The following BAZ1B variants were observed in gnomAD, a reference collection of about 807,000 sequenced individuals.
The protein encoded by BAZ1B is bromodomain adjacent to zinc finger domain 1B.
A neutral mutation model predicts 153.8 loss-of-function variants in BAZ1B; 22 were observed. The ratio of observed to expected loss-of-function variants is 0.14; its 90% confidence interval spans 0.10 to 0.20. The LOEUF (loss-of-function observed/expected upper bound fraction) is 0.20, where lower values mean the gene tolerates loss of function less well. Among genes scored for constraint, BAZ1B ranks in the 10% least tolerant of loss-of-function variants. BAZ1B has a pLI of 1.00. For synonymous variants in BAZ1B, 676 were observed against 633.4 expected (o/e 1.07, Z -1.01); for missense variants, 1,325 against 1,799.3 (o/e 0.74, Z 4.77).
intron 1 of BAZ1B, among the ~76,000 whole-genome samples, chr7:73,516,523 G>A (rs1316787761): frequency 1.3e-5 from 2 of 151,950 alleles, no homozygotes; most frequent in Non-Finnish European, 2.9e-5. Flanking sequence ...GGTGGCTCAC[G>A]TCTGTAATCC....
At chr7:73,503,423 TG>T (rs1428511481) in intron 3 of BAZ1B, among the ~76,000 whole-genome samples, 1 of 152,152 alleles carries the variant, frequency 6.6e-6, no homozygotes, top group African/African-American at 2.4e-5. Flanking sequence ...TTGCCCAGGC[TG>T]GAGTACAGTG....
chr7:73,456,667 C>CGTG (rs1287689912), intron 13 of BAZ1B, among the ~76,000 whole-genome samples: 2 of 151,960 alleles, frequency 1.3e-5, no homozygotes, highest in African/African-American at 2.4e-5. Flanking sequence ...AAAGGCTGGG[C>CGTG]GTGGTGGCTG....
At chr7:73,466,073 T>C (rs1327721651) in intron 10 of BAZ1B, among the ~76,000 whole-genome samples, 2 of 152,296 alleles carry the variant, frequency 1.3e-5, no homozygotes, top group East Asian at 3.9e-4. Context: ...AAAGTTATAT[T>C]ACAGGGGGGA....
chr7:73,521,975 C>T lies in BAZ1B; in HGVS notation c.-42G>A. On this transcript the variant is annotated 5_prime_UTR_variant, in exon 1 of 20. Transcript: ENST00000339594. ...GGGACTGGCGGCTGCTGGGGCCGGC[C>T]CCGCGGCGCAGCACTAGGCCCCGCG... 7.4e-7 allele frequency: 1 copy of T among 1,359,574 alleles called. No individual in the cohort carries two copies. The highest frequency in any genetic ancestry group is 9.5e-7 in the Non-Finnish European group (1 of 1,049,696). 84.2% of individuals were successfully genotyped at this position (1,359,574 alleles called of 1,614,324 possible). A position where few individuals can be genotyped will look rare whatever the true frequency, so the allele number is the denominator to read the frequency against.
chr7:73,447,761 G>T (rs1429014859), intron 15 of BAZ1B, among the ~76,000 whole-genome samples: 1 of 152,210 alleles, frequency 6.6e-6, no homozygotes. Context: ...CCACCTCTGA[G>T]GTAGACTGAA....
chr7:73,509,431 T>TA (rs1226598879), intron 2 of BAZ1B, among the ~76,000 whole-genome samples: 11 of 151,026 alleles, frequency 7.3e-5, no homozygotes, highest in East Asian at 3.9e-4. Context: ...ATACAAAGAT[T>TA]AAAAAAAAAC....
At chr7:73,507,880 T>C (rs73134963) in intron 3 of BAZ1B, among the ~76,000 whole-genome samples, 2,899 of 152,194 alleles carry the variant, frequency 0.019, 31 homozygotes, top group Non-Finnish European at 0.028. Flanking sequence ...AACAAATAAA[T>C]AAAAATAAAA....
chr7:73,470,735 TTC>T (rs2116315886), intron 7 of BAZ1B, among the ~76,000 whole-genome samples: 1 of 152,304 alleles, frequency 6.6e-6, no homozygotes, highest in Admixed American at 6.5e-5. Context: ...AAAATATCAC[TTC>T]TTTTTGTTTT....
In BAZ1B at chr7:73,521,907, G is replaced by A. The variant is rs781786251; in HGVS notation, c.27C>T (p.Pro9=). Residue 9 remains proline (P), a synonymous_variant, in exon 1 of 20, where the codon CCC becomes CCT. Coordinates refer to ENST00000339594, the MANE Select transcript of BAZ1B (RefSeq NM_032408.4). The part of the protein sequence containing the change: MAPLLGRK[P]FPLVKPLPGE... ...CGGGCAACGGCTTCACCAGCGGGAA[G>A]GGCTTGCGGCCCAGGAGCGGCGCCA... 5 of 1,491,116 alleles carry A rather than the reference G, an allele frequency of 3.4e-6. No individual in the cohort carries two copies. Among genetic ancestry groups the A allele is most frequent in the African/African-American group, 1.5e-5 (1 of 68,112 alleles). 92.4% of individuals were successfully genotyped at this position (1,491,116 alleles called of 1,614,324 possible).
At chr7:73,460,277 C>G (rs1004918827) in intron 12 of BAZ1B, among the ~76,000 whole-genome samples, 1 of 151,914 alleles carries the variant, frequency 6.6e-6, no homozygotes, top group Non-Finnish European at 1.5e-5. Context: ...GAAGCCCCCC[C>G]ACATAAAGGA....
intron 15 of BAZ1B, among the ~76,000 whole-genome samples, chr7:73,448,959 G>C (rs1437416414): frequency 2.0e-5 from 3 of 152,174 alleles, no homozygotes; most frequent in African/African-American, 7.2e-5. Flanking sequence ...ATAAGAAAGA[G>C]GAGTTGAGAA....
intron 4 of BAZ1B, among the ~76,000 whole-genome samples, chr7:73,494,085 A>G (rs539887764): frequency 6.6e-6 from 1 of 151,984 alleles, no homozygotes; most frequent in Non-Finnish European, 1.5e-5. Context: ...TTTTGGAAAG[A>G]TCAATATAAA....
chr7:73,482,280 G>C (rs1019038968), intron 6 of BAZ1B, among the ~76,000 whole-genome samples: 26 of 152,144 alleles, frequency 1.7e-4, no homozygotes, highest in African/African-American at 5.8e-4. Context: ...ATCTCTTCAT[G>C]CACAGTAATT....
chr7:73,480,011 T>TA (rs1554573472), intron 6 of BAZ1B, among the ~76,000 whole-genome samples: 1 of 151,222 alleles, frequency 6.6e-6, no homozygotes, highest in Non-Finnish European at 1.5e-5. Flanking sequence ...CTACTAAAAA[T>TA]CAAAAAAATT....
rs375278845 is a variant in BAZ1B, at chr7:73,492,621, G to A, written c.693+179C>T. 1.1e-4 allele frequency among the ~76,000 whole-genome samples: 16 copies of A among 152,254 alleles called. No homozygotes were observed. In the East Asian group the frequency reaches 1.9e-3, roughly 18 times the overall value. ...AGAGGAAAAGCATGGTATCTTCTAG[G>A]AAAGAAAATATAATTTACATTAACT... is the stretch of plus-strand genomic sequence containing the variant. On this transcript the variant is annotated intron_variant, in intron 5 of 19. Transcript: ENST00000339594.
rs781872826 is a variant in BAZ1B, at chr7:73,459,671, G to A, written c.3297C>T (p.Ala1099=). Residue 1099 remains alanine (A), a synonymous_variant, in exon 13 of 20, where the codon GCC becomes GCT. Transcript: ENST00000339594. ...ATTTCTTTATGACACTGGCCTGAAG[G>A]GCAATCACACACTCACCAAAATCCT... The part of the protein sequence containing the change: ...KLKDFGECVI[A]LQASVIKKFL... 6.2e-7 allele frequency: 1 copy of A among 1,613,646 alleles called. No individual in the cohort carries two copies.
chr7:73,478,036 G>C lies in BAZ1B; in HGVS notation c.1425C>G (p.Ala475=), dbSNP rs376231864. The part of the protein sequence containing the change: ...SKPHKHLPPA[A]LHLIAYYKEN... The stretch of plus-strand genomic sequence containing the variant: ...CTTTGTAGTATGCAATGAGGTGTAG[G>C]GCTGCAGGAGGCAGATGTTTATGAG... The change falls in exon 7 of 20, where the codon GCC becomes GCG. Residue 475 remains alanine (A), a synonymous_variant. Coordinates refer to ENST00000339594, the MANE Select transcript of BAZ1B (RefSeq NM_032408.4). 6.3e-5 allele frequency: 102 copies of C among 1,613,952 alleles called. No homozygotes were observed. The highest frequency in any genetic ancestry group is 1.6e-4 in the Middle Eastern group (1 of 6,084).
intron 4 of BAZ1B, among the ~76,000 whole-genome samples, chr7:73,494,085 A>T (rs539887764): frequency 6.6e-6 from 1 of 151,866 alleles, no homozygotes; most frequent in Non-Finnish European, 1.5e-5. Context: ...TTTTGGAAAG[A>T]TCAATATAAA....
chr7:73,502,614 AG>A (rs1790178198), intron 3 of BAZ1B, among the ~76,000 whole-genome samples: 1 of 149,818 alleles, frequency 6.7e-6, no homozygotes, highest in African/African-American at 2.5e-5. Context: ...CTGTAGGATG[AG>A]GAAAAAAAAA....
Sources: gnomAD v4.1 joint callset for allele counts (sites outside exome capture counted in the v4.1 genomes callset) on GRCh38, gnomAD v4.1.1 for gene constraint, MANE v1.5 for transcripts, NCBI Gene and HGNC (gene_info 2026-07-23, HGNC 2026-07-21) for gene names.